The following PCDHGB4 variants were observed in gnomAD, a reference collection of about 807,000 sequenced individuals.
The protein encoded by PCDHGB4 is protocadherin gamma-B4.
A neutral mutation model predicts 60.5 loss-of-function variants in PCDHGB4; 38 were observed. That is an observed-to-expected ratio of 0.63 (90% CI 0.48 to 0.82). The LOEUF (loss-of-function observed/expected upper bound fraction) is 0.82. PCDHGB4 is among the 40% of genes least tolerant of loss of function. The probability of loss-of-function intolerance (pLI) is 0.00; values close to 1 mark genes in which losing one functional copy is unlikely to be tolerated. For missense variants in PCDHGB4, 1,109 were observed against 1,209.6 expected (o/e 0.92, Z 1.23); for synonymous variants, 456 against 509.7 (o/e 0.89, Z 1.42).
intron 1 of PCDHGB4, chr5:141,428,275 G>A (rs566455986): frequency 6.5e-6 from 5 of 767,218 alleles, no homozygotes; most frequent in African/African-American, 3.4e-5. Context: ...TGTGCCCTCT[G>A]ATTCCCAAGC....
At chr5:141,442,253 G>A (rs910914393) in intron 1 of PCDHGB4, 2 of 153,064 alleles carry the variant, frequency 1.3e-5, no homozygotes, top group Non-Finnish European at 2.9e-5. Flanking sequence ...TGCATTGTTT[G>A]TGCTGGTTTT....
intron 1 of PCDHGB4, among the ~76,000 whole-genome samples, chr5:141,494,568 C>T (rs2099755322): frequency 6.6e-6 from 1 of 152,138 alleles, no homozygotes; most frequent in African/African-American, 2.4e-5. Context: ...GGAAAGGAGT[C>T]TCAGCTTGCT....
chr5:141,478,711 T>C, intron 1 of PCDHGB4: 3 of 1,547,346 alleles, frequency 1.9e-6, no homozygotes, highest in Non-Finnish European at 1.7e-6. Flanking sequence ...CTTTGTGAGA[T>C]GGTGGCCTGC....
intron 1 of PCDHGB4, among the ~76,000 whole-genome samples, chr5:141,463,438 C>CTTTTTTTTTTTTT (rs71576115): frequency 9.7e-6 from 1 of 103,256 alleles, no homozygotes; most frequent in Non-Finnish European, 1.9e-5. Context: ...TTTCCTTCTC[C>CTTTTTTTTTTTTT]TTTTTTTTTT....
chr5:141,423,234 C>T, intron 1 of PCDHGB4: 1 of 1,613,918 alleles, frequency 6.2e-7, no homozygotes, highest in South Asian at 1.1e-5. Context: ...CCGACAGCAT[C>T]CCCGAAGTCC....
At position 141,394,267 on chromosome 5, in the gene PCDHGB4, C is replaced by T. The variant is rs563732311; in HGVS notation, c.2397+3986C>T. 1.2e-5 allele frequency: 19 copies of T among 1,613,926 alleles called. No individual in the cohort carries two copies. In the South Asian group the frequency reaches 2.0e-4, roughly 17 times the overall value. On this transcript the variant is annotated intron_variant, in intron 1 of 3. Transcript: ENST00000519479. The stretch of plus-strand genomic sequence containing the variant: ...CACGACCCCGACAGCCAGGAGAATG[C>T]CCAGGTCACTTACTCTGTGACCGAG...
intron 2 of PCDHGB4, 106 bp downstream of exon 2, chr5:141,494,971 C>T (rs1244836841): frequency 1.3e-6 from 2 of 1,583,382 alleles, no homozygotes; most frequent in African/African-American, 1.3e-5. Context: ...ATGGCTTCTC[C>T]CTCAGTTTGA....
At chr5:141,456,171 A>ACAGGCG (rs1443838766) in intron 1 of PCDHGB4, among the ~76,000 whole-genome samples, 2 of 152,096 alleles carry the variant, frequency 1.3e-5, no homozygotes, top group East Asian at 3.9e-4. Flanking sequence ...TGCTGGGATT[A>ACAGGCG]CAGAATAATT....
rs1253797821 is a variant in PCDHGB4, at chr5:141,389,822, C to T, written c.1938C>T (p.Asp646=). The part of the protein sequence containing the change: ...VRQRLLVAVR[D]GGQPPLSATA... ...AGCGCCTTCTGGTCGCCGTGCGTGA[C>T]GGTGGACAGCCACCACTCTCGGCCA... is the stretch of plus-strand genomic sequence containing the variant. The change falls in exon 1 of 4, where the codon GAC becomes GAT. Residue 646 remains aspartate, a synonymous_variant. Coordinates refer to ENST00000519479, the MANE Select transcript of PCDHGB4 (RefSeq NM_003736.4). 1.2e-6 allele frequency: 2 copies of T among 1,613,932 alleles called. No individual in the cohort carries two copies. The highest frequency in any genetic ancestry group is 1.7e-6 in the Non-Finnish European group (2 of 1,179,892).
chr5:141,476,054 A>T lies in PCDHGB4; in HGVS notation c.2398-18753A>T. The T allele has an allele frequency of 3.3e-6, 5 of 1,504,982 alleles. No homozygotes were observed. The highest frequency in any genetic ancestry group is 4.4e-6 in the Non-Finnish European group (5 of 1,134,040). 93.2% of individuals were successfully genotyped at this position (1,504,982 alleles called of 1,614,324 possible). A position where few individuals can be genotyped will look rare whatever the true frequency, so the allele number is the denominator to read the frequency against. ...AGCGCCCAAGCGCTAACCCGCTGAA[A>T]GTTTCTCAGCGAAATCTCAGGGACG... On this transcript the variant is annotated intron_variant, in intron 1 of 3. Coordinates refer to ENST00000519479, the MANE Select transcript of PCDHGB4 (RefSeq NM_003736.4). The surrounding 1 kb of genome is among the most constrained non-coding windows in gnomAD (Gnocchi z 7.6).
At chr5:141,421,387 G>A in intron 1 of PCDHGB4, 3 of 1,614,054 alleles carry the variant, frequency 1.9e-6, no homozygotes, top group Non-Finnish European at 2.5e-6. Context: ...CAAGGACCTG[G>A]GGCTGGAGCC....
chr5:141,487,593 C>G lies in PCDHGB4; in HGVS notation c.2398-7214C>G. The G allele has an allele frequency of 6.2e-7, 1 of 1,614,206 alleles. No homozygotes were observed. Among genetic ancestry groups the G allele is most frequent in the African/African-American group, 1.3e-5 (1 of 75,062 alleles). On this transcript the variant is annotated intron_variant, in intron 1 of 3. Coordinates refer to ENST00000519479, the MANE Select transcript of PCDHGB4 (RefSeq NM_003736.4). This position sits in a 1 kb window ranked among gnomAD's most constrained non-coding sequence, Gnocchi z 5.0. ...CCTGTTCGCCCAAGCTGCCCACCCT[C>G]TGATCTTCTCTATGGGCTAGAGGTG...
intron 1 of PCDHGB4, chr5:141,414,700 A>G (rs886960965): frequency 6.2e-7 from 1 of 1,613,994 alleles, no homozygotes. Context: ...GTCCTCATAC[A>G]TATCCATCAA....
chr5:141,433,358 C>CGTAT, intron 1 of PCDHGB4: 1 of 503,368 alleles, frequency 2.0e-6, no homozygotes, highest in Non-Finnish European at 3.5e-6. Context: ...CTACTGTCTG[C>CGTAT]CTATCTATCT....
chr5:141,497,005 A>T (rs1249733879), intron 2 of PCDHGB4, among the ~76,000 whole-genome samples: 1 of 152,134 alleles, frequency 6.6e-6, no homozygotes, highest in Non-Finnish European at 1.5e-5. Context: ...GGCAGCCAAC[A>T]TGGTGAAACC....
At position 141,431,178 on chromosome 5, in the gene PCDHGB4, T is replaced by A; in HGVS notation, c.2397+40897T>A. 2 of 1,614,078 alleles carry A rather than the reference T, an allele frequency of 1.2e-6. No individual in the cohort carries two copies. Among genetic ancestry groups the A allele is most frequent in the Non-Finnish European group, 1.7e-6 (2 of 1,180,000 alleles). On this transcript the variant is annotated intron_variant, in intron 1 of 3. Coordinates refer to ENST00000519479, the MANE Select transcript of PCDHGB4 (RefSeq NM_003736.4). This position sits in a 1 kb window ranked among gnomAD's most constrained non-coding sequence, Gnocchi z 4.8. ...TACTTTCGTGAAAGTGAATTAGAAATAAAAATTAGTGAAAATGCAGCCACT... is the reference window on the plus strand; with the variant it reads ...TACTTTCGTGAAAGTGAATTAGAAAAAAAAATTAGTGAAAATGCAGCCACT...
In PCDHGB4 at chr5:141,476,524, T is replaced by C. The variant is rs1350353768; in HGVS notation, c.2398-18283T>C. On this transcript the variant is annotated intron_variant, in intron 1 of 3. Coordinates refer to ENST00000519479, the MANE Select transcript of PCDHGB4 (RefSeq NM_003736.4). The surrounding 1 kb of genome is among the most constrained non-coding windows in gnomAD (Gnocchi z 7.6). ...TCAACGACAACAATCCTGCTTTCCC[T>C]ACCCAGGAAATGAAATTGGAGATTA... 6.2e-7 allele frequency: 1 copy of C among 1,614,182 alleles called. No individual in the cohort carries two copies. Among genetic ancestry groups the C allele is most frequent in the Non-Finnish European group, 8.5e-7 (1 of 1,180,028 alleles).
rs1394234849 is a variant in PCDHGB4 at position 141,415,739 on chromosome 5, GGTTT to G, written c.2397+25459_2397+25462del. The G allele has an allele frequency of 1.9e-3, 837 of 434,806 alleles. 9 individuals are homozygous for G. In the African/African-American group the frequency reaches 0.026, roughly 14 times the overall value. The allele number at this position is 434,806 out of a possible 1,614,324, so 26.9% of individuals were successfully genotyped here. A position where few individuals can be genotyped will look rare whatever the true frequency, so the allele number is the denominator to read the frequency against. On this transcript the variant is annotated intron_variant, in intron 1 of 3. Coordinates refer to ENST00000519479, the MANE Select transcript of PCDHGB4 (RefSeq NM_003736.4). ...ATGAGTAGAATTTGATGTTTATTAAGGTTTTTTTTTTTTTTTTTTTTTTTTTTTT... is the reference window on the plus strand; with the variant it reads ...ATGAGTAGAATTTGATGTTTATTAAGTTTTTTTTTTTTTTTTTTTTTTTTT...
intron 1 of PCDHGB4, among the ~76,000 whole-genome samples, chr5:141,445,264 G>A (rs566395616): frequency 1.4e-4 from 22 of 152,276 alleles, no homozygotes; most frequent in Admixed American, 1.4e-3. Flanking sequence ...AATATAAGTC[G>A]AAACCACTCT....
Sources: allele counts gnomAD v4.1 joint callset (sites outside exome capture counted in the v4.1 genomes callset), GRCh38; gene constraint gnomAD v4.1.1; non-coding constraint Gnocchi (gnomAD v3.1); transcripts MANE v1.5; gene names NCBI Gene and HGNC (gene_info 2026-07-23, HGNC 2026-07-21).